Variants in RIMS4 observed in about 807,000 individuals in gnomAD.
RIMS4 encodes the protein regulating synaptic membrane exocytosis protein 4.
In RIMS4, 9 loss-of-function variants were observed where a neutral mutation model predicts 29.0. That is an observed-to-expected ratio of 0.31 (90% CI 0.19 to 0.54). RIMS4 has a LOEUF of 0.54. Ranked by LOEUF, RIMS4 falls within the 20% of genes least tolerant of loss-of-function variation. The pLI is 0.94. For synonymous variants in RIMS4, 130 were observed against 152.9 expected (o/e 0.85, Z 1.10); for missense variants, 193 against 365.7 (o/e 0.53, Z 3.85).
chr20:44,792,535 A>C (rs977703688), intron 1 of RIMS4, among the ~76,000 whole-genome samples: 1 of 151,908 alleles, frequency 6.6e-6, no homozygotes, highest in Non-Finnish European at 1.5e-5. Flanking sequence ...TAGGAGATCC[A>C]CCCACCTCAG....
At position 44,757,739 on chromosome 20, in the gene RIMS4, C is replaced by T. The variant is rs1445706308; in HGVS notation, c.382G>A (p.Gly128Ser). The change falls in exon 4 of 6, where the codon GGT becomes AGT. Residue 128 changes from glycine (G) to serine (S), a missense_variant. By Grantham distance (56) the Gly-to-Ser change is moderately conservative. Coordinates refer to ENST00000372851, the MANE Select transcript of RIMS4 (RefSeq NM_182970.4). Reference sequence around the variant, plus strand: ...TGGATAATGTCCACCTCCAACTGACCGTTCCGCTCCTGCAGACCGATCTCC... The same window carrying T: ...TGGATAATGTCCACCTCCAACTGACTGTTCCGCTCCTGCAGACCGATCTCC... ...DVEIGLQERN[G>S]QLEVDIIQAR... 4 of 1,613,940 alleles carry T rather than the reference C, an allele frequency of 2.5e-6. No homozygotes were observed. The highest frequency in any genetic ancestry group is 2.7e-5 in the African/African-American group (2 of 74,894).
At chr20:44,764,067 TATCCATCC>T (rs1170004249) in intron 2 of RIMS4, among the ~76,000 whole-genome samples, 1 of 90,160 alleles carries the variant, frequency 1.1e-5, no homozygotes, top group Non-Finnish European at 2.2e-5. Context: ...TCCATCCATT[TATCCATCC>T]ATCCATCCAT....
intron 2 of RIMS4, among the ~76,000 whole-genome samples, chr20:44,766,796 A>C (rs535298496): frequency 9.8e-4 from 149 of 152,138 alleles, no homozygotes; most frequent in African/African-American, 3.4e-3. Flanking sequence ...TTATTATGTC[A>C]GTGCTTGCTG....
intron 1 of RIMS4, among the ~76,000 whole-genome samples, chr20:44,807,442 A>G (rs1011524795): frequency 6.6e-6 from 1 of 152,234 alleles, no homozygotes; most frequent in East Asian, 1.9e-4. Flanking sequence ...GGCTCAGTCT[A>G]GTTGGAAAAA....
chr20:44,757,178 T>G, intron 4 of RIMS4, 141 bp from the exon 5 acceptor site: 2 of 899,826 alleles, frequency 2.2e-6, no homozygotes, highest in Non-Finnish European at 3.4e-6. Context: ...CCAGGACACA[T>G]GGGGGGTGGG....
intron 2 of RIMS4, among the ~76,000 whole-genome samples, chr20:44,769,766 G>C (rs113429832): frequency 6.6e-6 from 1 of 152,340 alleles, no homozygotes; most frequent in African/African-American, 2.4e-5. Context: ...TTTAGGAGGG[G>C]CTGGGGGTGG....
At chr20:44,757,601 C>T (rs2066066177) in intron 4 of RIMS4, 69 bp downstream of exon 4, 1 of 1,292,180 alleles carries the variant, frequency 7.7e-7, no homozygotes, top group Non-Finnish European at 1.1e-6. Flanking sequence ...TCTTCAAGGC[C>T]CTCAGTACCC....
rs1447950938 is a variant in RIMS4 at position 44,756,449 on chromosome 20, C to T, written c.592-97G>A. The T allele has an allele frequency of 1.1e-6, 1 of 945,328 alleles. No homozygotes were observed. Among genetic ancestry groups the T allele is most frequent in the Non-Finnish European group, 1.6e-6 (1 of 617,060 alleles). 58.6% of individuals were successfully genotyped at this position (945,328 alleles called of 1,614,324 possible). A position where few individuals can be genotyped will look rare whatever the true frequency, so the allele number is the denominator to read the frequency against. Reference sequence around the variant, plus strand: ...CGCCCCATGCCCAATCCAGCTCAGTCCTGTGATTTCTACCTCCTTAAAACT... The same window carrying T: ...CGCCCCATGCCCAATCCAGCTCAGTTCTGTGATTTCTACCTCCTTAAAACT... On this transcript the variant is annotated intron_variant, in intron 5 of 5. Coordinates refer to ENST00000372851, the MANE Select transcript of RIMS4 (RefSeq NM_182970.4). This position sits in a 1 kb window ranked among gnomAD's most constrained non-coding sequence, Gnocchi z 5.9.
intron 1 of RIMS4, among the ~76,000 whole-genome samples, chr20:44,809,052 G>A (rs977170244): frequency 3.3e-5 from 5 of 150,492 alleles, no homozygotes; most frequent in African/African-American, 1.3e-4. Flanking sequence ...AAAGACTCTC[G>A]GATTTTCACC....
At chr20:44,805,967 A>C (rs937844398) in intron 1 of RIMS4, among the ~76,000 whole-genome samples, 1 of 152,258 alleles carries the variant, frequency 6.6e-6, no homozygotes, top group Admixed American at 6.5e-5. Flanking sequence ...CTGTGGTACT[A>C]GTTTTTGGAT....
At chr20:44,778,157 T>C (rs1021084654) in intron 1 of RIMS4, among the ~76,000 whole-genome samples, 3 of 152,250 alleles carry the variant, frequency 2.0e-5, no homozygotes, top group African/African-American at 7.2e-5. Context: ...GCACTGATGT[T>C]GCCTCTGGCT....
intron 2 of RIMS4, among the ~76,000 whole-genome samples, chr20:44,766,929 C>T (rs1035730317): frequency 6.6e-6 from 1 of 152,228 alleles, no homozygotes; most frequent in Non-Finnish European, 1.5e-5. Flanking sequence ...GCAGCCACTG[C>T]TCAGTAACTC....
In RIMS4 at chr20:44,787,439, T is replaced by G. The variant is rs190133177; in HGVS notation, c.98-16026A>C. Among the ~76,000 whole-genome samples the G allele has an allele frequency of 4.6e-5, 7 of 152,248 alleles. No homozygotes were observed. In the East Asian group the frequency reaches 1.2e-3, roughly 25 times the overall value. On this transcript the variant is annotated intron_variant, in intron 1 of 5. Transcript: ENST00000372851. ...TCCCCACAACAATCTGTGAAATATG[T>G]CTTATATTATACCCATTTTATAGAT...
chr20:44,756,260 C>T lies in RIMS4; in HGVS notation c.684G>A (p.Leu228=), dbSNP rs2066059500. The change falls in exon 6 of 6, where the codon CTG becomes CTA. Residue 228 remains leucine, a synonymous_variant. Transcript: ENST00000372851. The surrounding 1 kb of genome is among the most constrained non-coding windows in gnomAD (Gnocchi z 5.9). ...VLLEELDLTT[L]AVGWYKLFPT... ...GGAAGAGCTTGTACCAGCCCACGGCCAGGGTGGTCAAGTCCAGCTCCTCCA... is the reference window on the plus strand; with the variant it reads ...GGAAGAGCTTGTACCAGCCCACGGCTAGGGTGGTCAAGTCCAGCTCCTCCA... The T allele has an allele frequency of 3.1e-6, 5 of 1,613,900 alleles. No homozygotes were observed. The highest frequency in any genetic ancestry group is 1.3e-5 in the African/African-American group (1 of 74,900).
intron 1 of RIMS4, among the ~76,000 whole-genome samples, chr20:44,801,702 T>A (rs952068731): frequency 6.6e-6 from 1 of 152,154 alleles, no homozygotes; most frequent in Non-Finnish European, 1.5e-5. Flanking sequence ...TTATCCTTTG[T>A]ACAAATGACT....
intron 1 of RIMS4, among the ~76,000 whole-genome samples, chr20:44,776,197 C>T (rs2066159624): frequency 1.3e-5 from 2 of 152,140 alleles, no homozygotes; most frequent in South Asian, 4.1e-4. Context: ...GTAGGAGGAT[C>T]GCTTGAGCTT....
intron 1 of RIMS4, among the ~76,000 whole-genome samples, chr20:44,778,166 C>T (rs986065939): frequency 1.3e-5 from 2 of 152,216 alleles, no homozygotes; most frequent in Non-Finnish European, 2.9e-5. Context: ...TTGCCTCTGG[C>T]TGTGTCTCCA....
intron 1 of RIMS4, among the ~76,000 whole-genome samples, chr20:44,785,684 T>G (rs2066205090): frequency 6.6e-6 from 1 of 151,906 alleles, no homozygotes; most frequent in South Asian, 2.1e-4. Flanking sequence ...TTTCTGCTCC[T>G]CTCTTGAGCT....
chr20:44,764,255 C>CATCCATCCATCCATCCATTCATCCA (rs1325046131), intron 2 of RIMS4, among the ~76,000 whole-genome samples: 4 of 144,306 alleles, frequency 2.8e-5, no homozygotes, highest in Non-Finnish European at 3.0e-5. Context: ...TCCATCCATC[C>CATCCATCCATCCATCCATTCATCCA]TCCCACAAAC....
Sources: gnomAD v4.1 joint callset for allele counts (sites outside exome capture counted in the v4.1 genomes callset) on GRCh38, gnomAD v4.1.1 for gene constraint, Gnocchi (gnomAD v3.1) non-coding constraint, MANE v1.5 for transcripts, NCBI Gene and HGNC (gene_info 2026-07-23, HGNC 2026-07-21) for gene names.